Variants in MCU observed in about 807,000 individuals in gnomAD.
MCU encodes the protein calcium uniporter protein, mitochondrial.
A neutral mutation model predicts 45.2 loss-of-function variants in MCU; 12 were observed. The ratio of observed to expected loss-of-function variants is 0.27; its 90% confidence interval spans 0.17 to 0.43. The LOEUF (loss-of-function observed/expected upper bound fraction) is 0.43. Ranked by LOEUF, MCU falls within the 20% of genes least tolerant of loss-of-function variation. The probability of loss-of-function intolerance (pLI) is 1.00; values close to 1 mark genes in which losing one functional copy is unlikely to be tolerated. For missense variants in MCU, 324 were observed against 436.7 expected, an observed-to-expected ratio of 0.74 and a Z score of 2.30; for synonymous variants, 160 against 165.1, an observed-to-expected ratio of 0.97 and a Z score of 0.24.
At chr10:72,831,730 A>G (rs532899069) in intron 1 of MCU, among the ~76,000 whole-genome samples, 25 of 152,314 alleles carry the variant, frequency 1.6e-4, no homozygotes, top group African/African-American at 6.0e-4. Context: ...GGATGAGTAG[A>G]GCAAATATTT....
intron 4 of MCU, chr10:72,861,915 G>A (rs1435554697): frequency 1.9e-5 from 5 of 267,548 alleles, no homozygotes; most frequent in Non-Finnish European, 3.7e-5. Flanking sequence ...TTTCATCCTA[G>A]CCTCTACTAT....
At chr10:72,697,143 G>C (rs1424586693) in intron 1 of MCU, among the ~76,000 whole-genome samples, 1 of 152,160 alleles carries the variant, frequency 6.6e-6, no homozygotes, top group Non-Finnish European at 1.5e-5. Context: ...TTTAGATGGA[G>C]TGTTGCTCTG....
At chr10:72,794,427 A>G (rs1844214171) in intron 1 of MCU, among the ~76,000 whole-genome samples, 1 of 152,178 alleles carries the variant, frequency 6.6e-6, no homozygotes, top group Non-Finnish European at 1.5e-5. Flanking sequence ...GTTGTTTCCT[A>G]AGGCTCTTGG....
At chr10:72,832,016 AG>A in intron 1 of MCU, among the ~76,000 whole-genome samples, 1 of 152,292 alleles carries the variant, frequency 6.6e-6, no homozygotes, top group Non-Finnish European at 1.5e-5. Context: ...GCCTTTCTTA[AG>A]GAATATATAT....
intron 1 of MCU, among the ~76,000 whole-genome samples, chr10:72,787,866 G>A (rs149383384): frequency 0.053 from 8,021 of 151,472 alleles, 715 homozygotes; most frequent in African/African-American, 0.18. Context: ...TTACAGGTGC[G>A]CCACCACACC....
chr10:72,739,528 T>C (rs1843296765), intron 1 of MCU, among the ~76,000 whole-genome samples: 1 of 152,146 alleles, frequency 6.6e-6, no homozygotes, highest in South Asian at 2.1e-4. Context: ...TTCAGGCCTT[T>C]TTTGTTTATG....
At chr10:72,771,855 A>G (rs1321515073) in intron 1 of MCU, among the ~76,000 whole-genome samples, 1 of 152,162 alleles carries the variant, frequency 6.6e-6, no homozygotes, top group African/African-American at 2.4e-5. Context: ...CAGTAGGGCC[A>G]CAGAGAAGTG....
intron 4 of MCU, among the ~76,000 whole-genome samples, chr10:72,864,070 T>A (rs58075058): frequency 0.022 from 3,423 of 152,310 alleles, 106 homozygotes; most frequent in African/African-American, 0.077. Flanking sequence ...TTAAATAATA[T>A]CTGCATAAAA....
At chr10:72,817,164 C>T (rs1844640393) in intron 1 of MCU, among the ~76,000 whole-genome samples, 2 of 152,152 alleles carry the variant, frequency 1.3e-5, no homozygotes, top group South Asian at 4.1e-4. Flanking sequence ...AAAGCAAATA[C>T]CCTATATCTA....
At chr10:72,878,862 G>A (rs538019245) in intron 6 of MCU, among the ~76,000 whole-genome samples, 12 of 152,224 alleles carry the variant, frequency 7.9e-5, no homozygotes, top group Admixed American at 7.2e-4. Flanking sequence ...GAAAGAGGAT[G>A]GGAAGAAACA....
intron 2 of MCU, among the ~76,000 whole-genome samples, chr10:72,854,925 T>C (rs1021501054): frequency 1.3e-5 from 2 of 152,168 alleles, no homozygotes; most frequent in African/African-American, 2.4e-5. Context: ...TTAGCAATAC[T>C]TGCTCTAGAG....
intron 1 of MCU, among the ~76,000 whole-genome samples, chr10:72,826,858 C>T (rs867275225): frequency 6.6e-6 from 1 of 152,140 alleles, no homozygotes; most frequent in African/African-American, 2.4e-5. Flanking sequence ...CACTCTCCCA[C>T]TCTGTCCCAC....
At chr10:72,880,486 G>A (rs1160902638) in intron 6 of MCU, among the ~76,000 whole-genome samples, 1 of 151,732 alleles carries the variant, frequency 6.6e-6, no homozygotes, top group African/African-American at 2.4e-5. Flanking sequence ...AGCGGGGGGG[G>A]GGAAACCCTA....
At chr10:72,701,188 GA>G (rs1564532506) in intron 1 of MCU, among the ~76,000 whole-genome samples, 1 of 152,172 alleles carries the variant, frequency 6.6e-6, no homozygotes, top group African/African-American at 2.4e-5. Flanking sequence ...AGGTTAGCTT[GA>G]ACCACTTGGT....
chr10:72,751,341 C>CTTCTTTTTTTTTTTTTTT (rs1474252109), intron 1 of MCU, among the ~76,000 whole-genome samples: 4 of 44,748 alleles, frequency 8.9e-5, no homozygotes, highest in African/African-American at 3.4e-4. Context: ...TCTTCTTCTT[C>CTTCTTTTTTTTTTTTTTT]TTTTTTTTTT....
At chr10:72,858,604 T>G (rs1165831539) in intron 2 of MCU, among the ~76,000 whole-genome samples, 1 of 152,176 alleles carries the variant, frequency 6.6e-6, no homozygotes. Flanking sequence ...GAACTTAGCT[T>G]TAAAGGTTTA....
At chr10:72,854,088 C>T (rs1453706895) in intron 2 of MCU, among the ~76,000 whole-genome samples, 1 of 151,914 alleles carries the variant, frequency 6.6e-6, no homozygotes, top group Non-Finnish European at 1.5e-5. Context: ...CAAGATCACA[C>T]CACTGCACTC....
intron 1 of MCU, among the ~76,000 whole-genome samples, chr10:72,701,592 T>A (rs1842759097): frequency 1.3e-5 from 2 of 152,144 alleles, no homozygotes; most frequent in Non-Finnish European, 2.9e-5. Flanking sequence ...AGTGGTGCGA[T>A]CTCGGCTCAC....
intron 2 of MCU, among the ~76,000 whole-genome samples, chr10:72,853,129 A>G (rs1174360031): frequency 6.6e-6 from 1 of 152,228 alleles, no homozygotes; most frequent in African/African-American, 2.4e-5. Context: ...ATCAAAAATT[A>G]CTAGGCATAT....
Sources: allele counts gnomAD v4.1 joint callset (sites outside exome capture counted in the v4.1 genomes callset), GRCh38; gene constraint gnomAD v4.1.1; transcripts MANE v1.5; gene names NCBI Gene and HGNC (gene_info 2026-07-23, HGNC 2026-07-21).